Variants in AGRN observed in about 807,000 individuals in gnomAD.
The protein encoded by AGRN is agrin.
AGRN carries 106 observed loss-of-function variants against 211.0 expected under a neutral mutation model. The ratio of observed to expected loss-of-function variants is 0.50; its 90% confidence interval spans 0.43 to 0.59. The LOEUF is 0.59. AGRN is among the 20% of genes least tolerant of loss of function. AGRN has a pLI of 0.00. For synonymous variants in AGRN, 1,525 were observed against 1,332.5 expected, an observed-to-expected ratio of 1.14 and a Z score of -3.15; for missense variants, 3,040 against 2,982.6, an observed-to-expected ratio of 1.02 and a Z score of -0.45.
In AGRN at chr1:1,020,208, G is replaced by C. The variant is rs1181200410; in HGVS notation, c.36G>C (p.Pro12=). The part of the protein sequence containing the change: ...AGRSHPGPLR[P]LLPLLVVAAC... ...GGTCCCACCCGGGCCCGCTGCGGCC[G>C]CTGCTGCCGCTCCTTGTGGTGGCCG... Residue 12 remains proline, a synonymous_variant, in exon 1 of 36, where the codon CCG becomes CCC. Coordinates refer to ENST00000379370, the MANE Select transcript of AGRN (RefSeq NM_198576.4). 5 of 1,373,482 alleles carry C rather than the reference G, an allele frequency of 3.6e-6. No homozygotes were observed. Among genetic ancestry groups the C allele is most frequent in the Non-Finnish European group, 4.7e-6 (5 of 1,066,950 alleles). 85.1% of individuals were successfully genotyped at this position (1,373,482 alleles called of 1,614,324 possible).
At chr1:1,022,937 C>T (rs1019020006) in intron 2 of AGRN, among the ~76,000 whole-genome samples, 5 of 152,258 alleles carry the variant, frequency 3.3e-5, no homozygotes, top group African/African-American at 4.8e-5. Flanking sequence ...CATTTGCCAT[C>T]GTGAGGTCTT....
In AGRN at chr1:1,051,748, G is replaced by A; in HGVS notation, c.5584G>A (p.Gly1862Arg). The A allele has an allele frequency of 6.2e-7, 1 of 1,613,880 alleles. No individual in the cohort carries two copies. Among genetic ancestry groups the A allele is most frequent in the Non-Finnish European group, 8.5e-7 (1 of 1,179,974 alleles). ...CEKGLVEKSAGDVDTLAFDGR... is the reference protein window; with the variant it reads ...CEKGLVEKSARDVDTLAFDGR... ...CACAGGGCTGGTGGAGAAGTCAGCG[G>A]GGGACGTGGATACCTTGGCCTTTGA... is the stretch of plus-strand genomic sequence containing the variant. Residue 1862 changes from glycine (G) to arginine (R), a missense_variant, in exon 33 of 36, where the codon GGG becomes AGG. Gly to Arg is a moderately radical substitution (Grantham distance 125, BLOSUM62 -2). Coordinates refer to ENST00000379370, the MANE Select transcript of AGRN (RefSeq NM_198576.4).
rs774727638 is a variant in AGRN, at chr1:1,052,946, ATG to A, written c.5652-797_5652-796del. 4 of 166,296 alleles carry A rather than the reference ATG, an allele frequency of 2.4e-5. No individual in the cohort carries two copies. In the South Asian group the frequency reaches 4.8e-4, roughly 20 times the overall value. 10.3% of individuals were successfully genotyped at this position (166,296 alleles called of 1,614,324 possible). A position where few individuals can be genotyped will look rare whatever the true frequency, so the allele number is the denominator to read the frequency against. On this transcript the variant is annotated intron_variant, in intron 33 of 35. Transcript: ENST00000379370. ...CGTGTATATATGGGGGGATATGTAG[ATG>A]TGTGTGTGTATGAACAGGTGTAAGT... is the stretch of plus-strand genomic sequence containing the variant.
chr1:1,041,977 G>A lies in AGRN; in HGVS notation c.1199G>A (p.Arg400Gln), dbSNP rs748219640. The change falls in exon 7 of 36, where the codon CGG (arginine) becomes CAG (glutamine). Residue 400 changes from arginine (R) to glutamine (Q), a missense_variant. Physicochemically the swap from Arg to Gln is conservative, Grantham distance 43 (BLOSUM62 1). This residue lies in a region of AGRN where 1,498 missense variants were observed against 1,457.8 expected (regional missense o/e 1.03). Transcript: ENST00000379370. Reference sequence around the variant, plus strand: ...CTAGACCAGTGCCCGGAGCCCTGCCGGTTCAATGCCGTGTGCCTGTCCCGC... The same window carrying A: ...CTAGACCAGTGCCCGGAGCCCTGCCAGTTCAATGCCGTGTGCCTGTCCCGC... ...QGRDQCPEPC[R>Q]FNAVCLSRRG... The A allele has an allele frequency of 4.0e-5, 64 of 1,611,864 alleles. 1 individual carries two copies. The highest frequency in any genetic ancestry group is 3.3e-4 in the Middle Eastern group (2 of 5,996).
Position 1,045,365 on chromosome 1 carries a change from G to A in AGRN, c.2378G>A (p.Cys793Tyr). Residue 793 changes from cysteine to tyrosine, a missense_variant, in exon 14 of 36, where the codon TGC becomes TAC. Coordinates refer to ENST00000379370, the MANE Select transcript of AGRN (RefSeq NM_198576.4). The stretch of plus-strand genomic sequence containing the variant: ...TCCTGCCCTGGCCTTTCAGGTGCCT[G>A]CCAGTGCAACCCCCATGGCTCTTAC... ...GVGLAGCPSA[C>Y]QCNPHGSYGG... 1.2e-6 allele frequency: 2 copies of A among 1,611,716 alleles called. No homozygotes were observed. Among genetic ancestry groups the A allele is most frequent in the African/African-American group, 2.7e-5 (2 of 75,052 alleles).
At chr1:1,038,590 C>T (rs1294694833) in intron 3 of AGRN, among the ~76,000 whole-genome samples, 1 of 152,228 alleles carries the variant, frequency 6.6e-6, no homozygotes, top group Non-Finnish European at 1.5e-5. Flanking sequence ...GGAACAGTGC[C>T]CTTGGCCATG....
chr1:1,041,450 C>T (rs757742655), intron 5 of AGRN, 28 bp from the exon 6 acceptor site: 5 of 1,568,528 alleles, frequency 3.2e-6, no homozygotes, highest in Admixed American at 1.8e-5. Flanking sequence ...GCGGCGACAG[C>T]GTCCTGACTC....
chr1:1,050,237 G>A lies in AGRN; in HGVS notation c.4884G>A (p.Ser1628=), dbSNP rs776703435. The A allele has an allele frequency of 3.2e-5, 51 of 1,612,958 alleles. No homozygotes were observed. Among genetic ancestry groups the A allele is most frequent in the East Asian group, 6.7e-5 (3 of 44,888 alleles). The change falls in exon 28 of 36, where the codon TCG becomes TCA. Residue 1628 remains serine, a synonymous_variant. Transcript: ENST00000379370. ...CCTTGGTGACTCTCCCTACAGCCTCGGGGCAGGACGGCTCTGGGCCCTTCC... is the reference window on the plus strand; with the variant it reads ...CCTTGGTGACTCTCCCTACAGCCTCAGGGCAGGACGGCTCTGGGCCCTTCC... The part of the protein sequence containing the change: ...GREGTFCQTA[S]GQDGSGPFLA...
At position 1,049,790 on chromosome 1, in the gene AGRN, G is replaced by A. The variant is rs780013869; in HGVS notation, c.4739G>A (p.Arg1580His). The A allele has an allele frequency of 2.4e-5, 38 of 1,596,928 alleles. No homozygotes were observed. The highest frequency in any genetic ancestry group is 1.1e-4 in the South Asian group (10 of 89,806). The change falls in exon 26 of 36, where the codon CGC (arginine) becomes CAC (histidine). Residue 1580 changes from arginine to histidine, a missense_variant. Arg to His is a conservative substitution (Grantham distance 29). Around this residue, in one of 3 missense-constraint regions of AGRN, gnomAD observed 1,537 missense variants for 1,505.0 expected, o/e 1.02. Coordinates refer to ENST00000379370, the MANE Select transcript of AGRN (RefSeq NM_198576.4). ...TTCCATTGCCAGTGCCCGCCCGGCC[G>A]CGTCGGTGAGGGTGGGGCCGGGGCG... ...GRFHCQCPPG[R>H]VGPTCADEKS... is the part of the protein sequence containing the mutation.
At chr1:1,040,596 GTC>G in intron 3 of AGRN, 67 bp from the exon 4 acceptor site, 1 of 1,521,850 alleles carries the variant, frequency 6.6e-7, no homozygotes, top group Non-Finnish European at 8.9e-7. Flanking sequence ...GCACGGCAAG[GTC>G]TCTCAGGCTT....
chr1:1,027,330 A>G (rs994945263), intron 2 of AGRN, among the ~76,000 whole-genome samples: 1 of 152,116 alleles, frequency 6.6e-6, no homozygotes, highest in African/African-American at 2.4e-5. Flanking sequence ...TGGAGCCTCC[A>G]CTAGTGGGCC....
At chr1:1,045,059 C>A in intron 12 of AGRN, 102 bp from the exon 13 acceptor site, 1 of 1,308,552 alleles carries the variant, frequency 7.6e-7, no homozygotes, top group Non-Finnish European at 1.1e-6. Context: ...GGGATCGGGA[C>A]GGCTGAGTGG....
intron 2 of AGRN, among the ~76,000 whole-genome samples, chr1:1,027,942 A>G (rs961334306): frequency 1.3e-5 from 2 of 152,136 alleles, no homozygotes; most frequent in African/African-American, 4.8e-5. Flanking sequence ...AAGCACAAGC[A>G]CAAACACCGG....
intron 30 of AGRN, 29 bp from the exon 31 acceptor site, chr1:1,051,224 G>C (rs1325075684): frequency 1.9e-6 from 3 of 1,572,162 alleles, no homozygotes; most frequent in Non-Finnish European, 2.6e-6. Flanking sequence ...GGTGGGCTCT[G>C]CACAGCCACT....
intron 2 of AGRN, among the ~76,000 whole-genome samples, chr1:1,026,087 G>A (rs527398070): frequency 3.3e-5 from 5 of 152,064 alleles, no homozygotes; most frequent in African/African-American, 1.2e-4. Flanking sequence ...TGAGAGGGCC[G>A]GGCTGAGCTG....
At position 1,055,299 on chromosome 1, in the gene AGRN, C is replaced by A. The variant is rs1645424489; in HGVS notation, c.*318C>A. ...CCCGGCTCCTGAATCACCCTCGCTC[C>A]GTCAGGCGGGACTCGTGTCCCAGAG... On this transcript the variant is annotated 3_prime_UTR_variant, in exon 36 of 36. Coordinates refer to ENST00000379370, the MANE Select transcript of AGRN (RefSeq NM_198576.4). 2.4e-6 allele frequency: 1 copy of A among 419,712 alleles called. No homozygotes were observed. The highest frequency in any genetic ancestry group is 2.0e-5 in the African/African-American group (1 of 49,456). The allele number at this position is 419,712 out of a possible 1,614,324, so 26.0% of individuals were successfully genotyped here.
At chr1:1,028,254 G>C (rs1029861835) in intron 2 of AGRN, among the ~76,000 whole-genome samples, 7 of 151,506 alleles carry the variant, frequency 4.6e-5, no homozygotes, top group African/African-American at 1.7e-4. Context: ...ACAGCTGGGA[G>C]CAAGCTGATT....
rs1355652636 is a variant in AGRN, at chr1:1,046,742, A to T, written c.3250+7A>T. ...AGTGGGGGTGGCTCTGGGGGTGAGC[A>T]GGGATCAAGGACTTGGGGTGGGTGG... On this transcript the variant is annotated splice_region_variant and intron_variant, in intron 18 of 35. Coordinates refer to ENST00000379370, the MANE Select transcript of AGRN (RefSeq NM_198576.4). The T allele has an allele frequency of 3.2e-6, 5 of 1,574,014 alleles. No homozygotes were observed.
chr1:1,040,123 AC>A (rs1030010512), intron 3 of AGRN, among the ~76,000 whole-genome samples: 36 of 152,176 alleles, frequency 2.4e-4, no homozygotes, highest in Non-Finnish European at 3.1e-4. Flanking sequence ...CAGACGCGGG[AC>A]CTGGGTGCGA....
Sources: allele counts gnomAD v4.1 joint callset (sites outside exome capture counted in the v4.1 genomes callset), GRCh38; gene constraint gnomAD v4.1.1; regional missense constraint gnomAD v4.1.1; transcripts MANE v1.5; gene names NCBI Gene and HGNC (gene_info 2026-07-23, HGNC 2026-07-21).